SPRY3: variants seen among roughly 807,000 people sequenced by gnomAD.
SPRY3 encodes sprouty RTK signaling antagonist 3.
In SPRY3, 15 loss-of-function variants were observed where a neutral mutation model predicts 20.2. That is an observed-to-expected ratio of 0.74 (90% CI 0.50 to 1.14). The LOEUF is 1.14. Among genes scored for constraint, SPRY3 ranks in the 50% most tolerant of loss-of-function variants. The probability of loss-of-function intolerance (pLI) is 0.00; values close to 1 mark genes in which losing one functional copy is unlikely to be tolerated. For missense variants in SPRY3, 364 were observed against 363.9 expected (o/e 1.00, Z 0.00); for synonymous variants, 143 against 136.5 (o/e 1.05, Z -0.33).
At chrX:155,733,342 G>GAT (rs1003846704) in intron 2 of SPRY3, among the ~76,000 whole-genome samples, 23 of 143,362 alleles carry the variant, frequency 1.6e-4, no homozygotes, top group South Asian at 8.5e-4. Flanking sequence ...TATATATGCT[G>GAT]ATATATATAT....
exon 4 of SPRY3, chrX:155,774,425 G>A (rs766007869): frequency 4.6e-5 from 74 of 1,613,910 alleles, no homozygotes; most frequent in Admixed American, 6.7e-5. Context: ...CTCGATTATG[G>A]CACTTGTCTC....
intron 2 of SPRY3, among the ~76,000 whole-genome samples, chrX:155,696,654 A>C (rs145589925): frequency 1.9e-3 from 209 of 111,561 alleles, no homozygotes; most frequent in African/African-American, 6.6e-3. Context: ...TCATAAAATA[A>C]GGTTTAATAT....
At chrX:155,760,179 G>A (rs191434556) in intron 2 of SPRY3, among the ~76,000 whole-genome samples, 25 of 152,280 alleles carry the variant, frequency 1.6e-4, no homozygotes, top group African/African-American at 6.0e-4. Flanking sequence ...CATTTGTTGA[G>A]TGCCTATATT....
chrX:155,692,688 G>C (rs192033470), intron 2 of SPRY3, among the ~76,000 whole-genome samples: 2 of 111,099 alleles, frequency 1.8e-5, no homozygotes, highest in African/African-American at 6.5e-5. Flanking sequence ...GGATTTCTTA[G>C]ATGTTTAGTA....
chrX:155,665,886 C>T (rs1350768159), intron 2 of SPRY3, among the ~76,000 whole-genome samples: 1 of 111,483 alleles, frequency 9.0e-6, no homozygotes, highest in African/African-American at 3.3e-5. Flanking sequence ...TATATAGGTG[C>T]TTTTTAAATT....
At position 155,768,095 on chromosome X, in the gene SPRY3, G is replaced by A. The variant is rs9657862; in HGVS notation, c.-148G>A. The A allele has an allele frequency of 6.6e-6, 1 of 152,210 alleles. No individual in the cohort carries two copies. The highest frequency in any genetic ancestry group is 2.1e-4 in the South Asian group (1 of 4,802). The allele number at this position is 152,210 out of a possible 1,614,324, so 9.4% of individuals were successfully genotyped here. A position where few individuals can be genotyped will look rare whatever the true frequency, so the allele number is the denominator to read the frequency against. On this transcript the variant is annotated 5_prime_UTR_variant, in exon 3 of 4. It removes the in-frame stop codon of an upstream open reading frame in the 5' UTR. Coordinates refer to ENST00000675360, the Ensembl canonical transcript of SPRY3. ...ATCCTTTGAGCCAGATGGGGCATTA[G>A]TTCTTCTGCTTTTCTCAGCATGGAT... is the stretch of plus-strand genomic sequence containing the variant.
intron 2 of SPRY3, among the ~76,000 whole-genome samples, chrX:155,719,699 C>T (rs1256511574): frequency 2.0e-5 from 3 of 151,984 alleles, no homozygotes; most frequent in South Asian, 2.1e-4. Context: ...AGCTCCCAGA[C>T]GACAATACTA....
intron 2 of SPRY3, among the ~76,000 whole-genome samples, chrX:155,746,888 A>C (rs2091229589): frequency 6.6e-6 from 1 of 152,108 alleles, no homozygotes; most frequent in Non-Finnish European, 1.5e-5. Context: ...CACTCCACAC[A>C]TAAGGTTTCC....
At chrX:155,710,451 T>C (rs2090978750) in intron 2 of SPRY3, among the ~76,000 whole-genome samples, 2 of 151,824 alleles carry the variant, frequency 1.3e-5, no homozygotes, top group Non-Finnish European at 3.0e-5. Flanking sequence ...CTTTTTGATT[T>C]TTTTCAGATT....
chrX:155,624,517 C>CATCTATCTATCT (rs141240143), intron 1 of SPRY3, among the ~76,000 whole-genome samples: 141 of 102,288 alleles, frequency 1.4e-3, no homozygotes, highest in Middle Eastern at 5.0e-3. Context: ...ATTTATCTAT[C>CATCTATCTATCT]ATCTATCTAT....
intron 1 of SPRY3, among the ~76,000 whole-genome samples, chrX:155,617,816 CCA>C (rs1195922973): frequency 2.7e-5 from 3 of 111,693 alleles, no homozygotes; most frequent in Non-Finnish European, 5.7e-5. Context: ...AGCTCAGAAT[CCA>C]GTAATAGGCC....
At chrX:155,727,234 CAT>C (rs1234337881) in intron 2 of SPRY3, among the ~76,000 whole-genome samples, 1 of 152,142 alleles carries the variant, frequency 6.6e-6, no homozygotes, top group Non-Finnish European at 1.5e-5. Context: ...CTGCCCTTAA[CAT>C]TTTTTCTTTC....
At chrX:155,781,742 G>C (rs1468712239), downstream of SPRY3, 2 of 167,022 alleles carry the variant, frequency 1.2e-5, no homozygotes, top group Non-Finnish European at 2.9e-5. Flanking sequence ...GGGAATTAAT[G>C]TATAACATAT....
intron 2 of SPRY3, among the ~76,000 whole-genome samples, chrX:155,717,581 G>A (rs1260354816): frequency 3.3e-5 from 5 of 150,992 alleles, no homozygotes; most frequent in Non-Finnish European, 5.9e-5. Flanking sequence ...GACAGGCCCC[G>A]GTGTGTGATC....
chrX:155,631,787 T>C (rs2067907290), intron 1 of SPRY3, among the ~76,000 whole-genome samples: 1 of 111,616 alleles, frequency 9.0e-6, no homozygotes, highest in Non-Finnish European at 1.9e-5. Context: ...TTAATTTTAA[T>C]TTTTGTGGGT....
chrX:155,738,860 G>A (rs1205937113), intron 2 of SPRY3, among the ~76,000 whole-genome samples: 1 of 152,182 alleles, frequency 6.6e-6, no homozygotes, highest in Admixed American at 6.5e-5. Flanking sequence ...TCCAGTTGAG[G>A]TGGGATATCA....
At chrX:155,623,059 C>A (rs1557349597) in intron 1 of SPRY3, among the ~76,000 whole-genome samples, 1 of 112,027 alleles carries the variant, frequency 8.9e-6, no homozygotes, top group African/African-American at 3.2e-5. Context: ...CTGAACCTCA[C>A]AGTGGGGCTG....
chrX:155,637,557 C>A (rs1340106788), intron 1 of SPRY3, among the ~76,000 whole-genome samples: 2 of 110,885 alleles, frequency 1.8e-5, no homozygotes, highest in East Asian at 2.8e-4. Context: ...TTGGCAGTAC[C>A]CCCTCCCCAG....
intron 2 of SPRY3, among the ~76,000 whole-genome samples, chrX:155,738,558 C>T (rs1175957829): frequency 2.0e-5 from 3 of 152,080 alleles, no homozygotes; most frequent in Admixed American, 6.6e-5. Context: ...GCAGATGGCT[C>T]GACCCATGGA....
Sources: gnomAD v4.1 joint callset for allele counts (sites outside exome capture counted in the v4.1 genomes callset) on GRCh38, gnomAD v4.1.1 for gene constraint, MANE v1.5 for transcripts, NCBI Gene and HGNC (gene_info 2026-07-23, HGNC 2026-07-21) for gene names.